The following DLGAP2 variants were observed in gnomAD, a reference collection of about 807,000 sequenced individuals.
DLGAP2 encodes DLG associated protein 2, also known as disks large-associated protein 2.
A neutral mutation model predicts 100.3 loss-of-function variants in DLGAP2; 26 were observed. That is an observed-to-expected ratio of 0.26 (90% confidence interval 0.19 to 0.36). DLGAP2 has a LOEUF of 0.36. DLGAP2 is among the 10% of genes least tolerant of loss of function. The pLI is 1.00. For missense variants in DLGAP2, 1,858 were observed against 1,453.2 expected, an observed-to-expected ratio of 1.28 and a Z score of -4.53; for synonymous variants, 886 against 630.1, an observed-to-expected ratio of 1.41 and a Z score of -6.08.
intron 2 of DLGAP2, among the ~76,000 whole-genome samples, chr8:1,201,555 T>A (rs1797874573): frequency 6.6e-6 from 1 of 152,264 alleles, no homozygotes; most frequent in African/African-American, 2.4e-5. Context: ...CGGACGGATA[T>A]AGATCGCTTT....
In DLGAP2 at chr8:857,722, C is replaced by T. The variant is rs531226325; in HGVS notation, c.19-50190C>T. 6.6e-5 allele frequency among the ~76,000 whole-genome samples: 10 copies of T among 152,270 alleles called. 1 individual carries two copies. The South Asian group carries it at 2.1e-3, about 32-fold the overall frequency. On this transcript the variant is annotated intron_variant, in intron 1 of 14. Coordinates refer to ENST00000637795, the MANE Select transcript of DLGAP2 (RefSeq NM_001346810.2). Reference sequence around the variant, plus strand: ...GGAGCAACGGGAACTCTCATCCTCACTGTGGGGAGTGCAAAATGGTGCAGC... The same window carrying T: ...GGAGCAACGGGAACTCTCATCCTCATTGTGGGGAGTGCAAAATGGTGCAGC...
chr8:1,010,150 TGC>T (rs1317453408), intron 2 of DLGAP2, among the ~76,000 whole-genome samples: 5 of 152,240 alleles, frequency 3.3e-5, no homozygotes, highest in African/African-American at 1.2e-4. Context: ...ACTACATATA[TGC>T]ACACACACCT....
chr8:847,713 G>T (rs1424927125), intron 1 of DLGAP2, among the ~76,000 whole-genome samples: 1 of 152,042 alleles, frequency 6.6e-6, no homozygotes, highest in Non-Finnish European at 1.5e-5. Context: ...CACCATGTTG[G>T]CCAGGCTGGT....
At chr8:1,060,391 G>A (rs981774045) in intron 2 of DLGAP2, among the ~76,000 whole-genome samples, 1 of 81,980 alleles carries the variant, frequency 1.2e-5, no homozygotes, top group African/African-American at 3.4e-5. Flanking sequence ...CCCTCTGGAG[G>A]CCCTGAGGGC....
chr8:1,505,634 A>G (rs1245384617), intron 4 of DLGAP2, among the ~76,000 whole-genome samples: 1 of 152,222 alleles, frequency 6.6e-6, no homozygotes, highest in Non-Finnish European at 1.5e-5. Flanking sequence ...CATAAAATTA[A>G]AGTCACTGAT....
intron 2 of DLGAP2, among the ~76,000 whole-genome samples, chr8:954,215 A>G (rs1044026337): frequency 6.6e-6 from 1 of 152,160 alleles, no homozygotes; most frequent in Non-Finnish European, 1.5e-5. Flanking sequence ...TAGTGAGAAA[A>G]TTCGAGATCT....
chr8:1,149,961 G>T (rs1796669983), intron 2 of DLGAP2, among the ~76,000 whole-genome samples: 1 of 152,184 alleles, frequency 6.6e-6, no homozygotes, highest in Admixed American at 6.5e-5. Context: ...TCTGTGTTTA[G>T]CCACAGATAC....
intron 2 of DLGAP2, among the ~76,000 whole-genome samples, chr8:981,381 A>G (rs995512997): frequency 4.6e-5 from 7 of 152,150 alleles, no homozygotes; most frequent in African/African-American, 1.4e-4. Context: ...GAATAAGGCA[A>G]CAACGACACT....
At chr8:1,142,009 A>T (rs902798082) in intron 2 of DLGAP2, among the ~76,000 whole-genome samples, 4 of 151,958 alleles carry the variant, frequency 2.6e-5, no homozygotes, top group Non-Finnish European at 5.9e-5. Flanking sequence ...GGAGAAATAC[A>T]TCTCAAGGTA....
At chr8:929,878 T>C (rs1798916124) in intron 2 of DLGAP2, among the ~76,000 whole-genome samples, 1 of 151,742 alleles carries the variant, frequency 6.6e-6, no homozygotes, top group Non-Finnish European at 1.5e-5. Flanking sequence ...TAGTGCAGGA[T>C]GGAATTGAAA....
At chr8:1,379,964 C>A (rs1796054527) in intron 3 of DLGAP2, among the ~76,000 whole-genome samples, 1 of 151,660 alleles carries the variant, frequency 6.6e-6, no homozygotes, top group African/African-American at 2.4e-5. Context: ...CGGTGGGGGC[C>A]TGCTCTTTTG....
intron 2 of DLGAP2, among the ~76,000 whole-genome samples, chr8:1,250,105 TC>T (rs1458709674): frequency 6.6e-6 from 1 of 152,196 alleles, no homozygotes; most frequent in African/African-American, 2.4e-5. Context: ...GGTCTCGATC[TC>T]CTGACCTTGT....
At chr8:1,366,160 T>G (rs1585304012) in intron 3 of DLGAP2, among the ~76,000 whole-genome samples, 2 of 152,346 alleles carry the variant, frequency 1.3e-5, no homozygotes, top group Non-Finnish European at 2.9e-5. Flanking sequence ...TTTCTTTTTC[T>G]TTCTCTCCTT....
intron 2 of DLGAP2, among the ~76,000 whole-genome samples, chr8:975,157 T>C (rs1279812766): frequency 6.6e-6 from 1 of 152,202 alleles, no homozygotes; most frequent in Non-Finnish European, 1.5e-5. Flanking sequence ...AATGGACAAG[T>C]TGTTTGAAAA....
chr8:1,066,862 G>A (rs1480501234), intron 2 of DLGAP2, among the ~76,000 whole-genome samples: 2 of 152,242 alleles, frequency 1.3e-5, no homozygotes, highest in African/African-American at 4.8e-5. Context: ...GCCCAGTATA[G>A]TCTCAGTCCC....
At chr8:1,469,778 T>C (rs568488326) in intron 3 of DLGAP2, among the ~76,000 whole-genome samples, 2 of 152,164 alleles carry the variant, frequency 1.3e-5, no homozygotes, top group African/African-American at 2.4e-5. Flanking sequence ...AGTGCTGCCA[T>C]TGTTTGAGAG....
rs763133160 is a variant in DLGAP2 at position 1,565,850 on chromosome 8, G to T, written c.1398G>T (p.Pro466=). ...CAAAGTCGGCAATCCTACCAGAGCC[G>T]CTGCTGAAGTCCATCGGACAGAGAC... ...TSPKSAILPE[P]LLKSIGQRPL... Residue 466 remains proline, a synonymous_variant, in exon 6 of 15, where the codon CCG becomes CCT. Transcript: ENST00000637795. The T allele has an allele frequency of 3.0e-5, 48 of 1,612,430 alleles. No homozygotes were observed. The highest frequency in any genetic ancestry group is 2.8e-5 in the Non-Finnish European group (33 of 1,179,222).
Position 1,678,546 on chromosome 8 carries a change from T to G in DLGAP2, c.2621T>G (p.Leu874Arg). 1 of 1,595,738 alleles carries G rather than the reference T, an allele frequency of 6.3e-7. No individual in the cohort carries two copies. The highest frequency in any genetic ancestry group is 8.5e-7 in the Non-Finnish European group (1 of 1,171,404). Residue 874 changes from leucine (L) to arginine (R), a missense_variant, in exon 12 of 15, where the codon CTG becomes CGG. By Grantham distance (102) the Leu-to-Arg change is moderately radical. Transcript: ENST00000637795. ...CRRDGSWFLK[L>R]LHAETKRMEG... ...AGGGATGGCTCGTGGTTTTTGAAGCTGCTGCACGCAGAGACAAAGAGGATG... is the reference window on the plus strand; with the variant it reads ...AGGGATGGCTCGTGGTTTTTGAAGCGGCTGCACGCAGAGACAAAGAGGATG...
intron 3 of DLGAP2, among the ~76,000 whole-genome samples, chr8:1,485,514 G>A (rs1489123303): frequency 4.6e-5 from 7 of 152,226 alleles, no homozygotes; most frequent in African/African-American, 7.2e-5. Flanking sequence ...TATAGCAGAC[G>A]CGGTTAAGGA....
Sources: gnomAD v4.1 joint callset for allele counts (sites outside exome capture counted in the v4.1 genomes callset) on GRCh38, gnomAD v4.1.1 for gene constraint, MANE v1.5 for transcripts, NCBI Gene and HGNC (gene_info 2026-07-23, HGNC 2026-07-21) for gene names.